The following HS3ST4 variants were observed in gnomAD, a reference collection of about 807,000 sequenced individuals.
HS3ST4 encodes the protein heparan sulfate glucosamine 3-O-sulfotransferase 4.
Under a neutral mutation model 29.2 loss-of-function variants are expected in HS3ST4, and 17 were observed. The ratio of observed to expected loss-of-function variants is 0.58; its 90% CI spans 0.40 to 0.87. The LOEUF is 0.87. Among genes scored for constraint, HS3ST4 ranks in the 40% least tolerant of loss-of-function variants. The pLI, the probability that HS3ST4 is intolerant of heterozygous loss-of-function variation, is 0.00. For synonymous variants in HS3ST4, 314 were observed against 285.7 expected, an observed-to-expected ratio of 1.10 and a Z score of -1.00; for missense variants, 627 against 634.5, an observed-to-expected ratio of 0.99 and a Z score of 0.13.
chr16:26,058,490 A>G (rs1016833653), intron 1 of HS3ST4, among the ~76,000 whole-genome samples: 4 of 152,180 alleles, frequency 2.6e-5, no homozygotes, highest in Non-Finnish European at 4.4e-5. Flanking sequence ...GACATGGCTC[A>G]CAGGCACAGC....
intron 1 of HS3ST4, among the ~76,000 whole-genome samples, chr16:25,897,732 G>C (rs1039957001): frequency 2.0e-5 from 3 of 152,196 alleles, no homozygotes; most frequent in Admixed American, 6.5e-5. Flanking sequence ...CGTTCTGCCT[G>C]GGGGAGGTGC....
rs557557556 is a variant in HS3ST4 at position 25,884,166 on chromosome 16, C to T, written c.734+191015C>T. On this transcript the variant is annotated intron_variant, in intron 1 of 1. Transcript: ENST00000331351. ...AGTTCAGAGCCATGTCTCTAAATCA[C>T]GGAAAAAGAAGTGGAGGGTGCATAG... 5.9e-5 allele frequency among the ~76,000 whole-genome samples: 9 copies of T among 151,342 alleles called. No homozygotes were observed. In the South Asian group the frequency reaches 1.3e-3, roughly 21 times the overall value.
intron 1 of HS3ST4, among the ~76,000 whole-genome samples, chr16:25,915,014 C>T (rs1316898826): frequency 6.6e-6 from 1 of 152,064 alleles, no homozygotes; most frequent in Non-Finnish European, 1.5e-5. Context: ...CTGCGCTGTG[C>T]ATTGAGACAG....
At position 25,692,856 on chromosome 16, in the gene HS3ST4, A is replaced by G. The variant is rs1470937984; in HGVS notation, c.439A>G (p.Ser147Gly). 6 of 1,480,818 alleles carry G rather than the reference A, an allele frequency of 4.1e-6. No individual in the cohort carries two copies. Among genetic ancestry groups the G allele is most frequent in the Admixed American group, 2.3e-5 (1 of 43,674 alleles). The allele number at this position is 1,480,818 out of a possible 1,614,324, so 91.7% of individuals were successfully genotyped here. Residue 147 changes from serine to glycine, a missense_variant, in exon 1 of 2, where the codon AGC becomes GGC. Physicochemically the swap from Ser to Gly is moderately conservative, Grantham distance 56. This residue lies in a region of HS3ST4 where 402 missense variants were observed against 340.8 expected (regional missense o/e 1.18). Coordinates refer to ENST00000331351, the MANE Select transcript of HS3ST4 (RefSeq NM_006040.3). ...CTGGCTCCGGACCCCGCTGGCCCCC[A>G]GCGAGATGATCACGGCTCAGAGCGC... ...DAWLRTPLAP[S>G]EMITAQSALP...
At chr16:25,949,499 A>G (rs1474714869) in intron 1 of HS3ST4, among the ~76,000 whole-genome samples, 1 of 152,124 alleles carries the variant, frequency 6.6e-6, no homozygotes, top group Non-Finnish European at 1.5e-5. Context: ...TCTGTGTGTC[A>G]GAGGAAACCA....
chr16:26,077,991 A>G (rs1393786989), intron 1 of HS3ST4, among the ~76,000 whole-genome samples: 1 of 152,230 alleles, frequency 6.6e-6, no homozygotes, highest in Non-Finnish European at 1.5e-5. Flanking sequence ...ACTTAAGCCC[A>G]GAAAGTTGAG....
intron 1 of HS3ST4, among the ~76,000 whole-genome samples, chr16:25,777,643 C>T (rs1209387206): frequency 2.0e-5 from 3 of 152,172 alleles, no homozygotes; most frequent in Admixed American, 2.0e-4. Flanking sequence ...TGCCAGGCGC[C>T]TGTAGTCCCA....
chr16:25,708,909 T>A (rs1284652005), intron 1 of HS3ST4, among the ~76,000 whole-genome samples: 1 of 152,168 alleles, frequency 6.6e-6, no homozygotes, highest in East Asian at 1.9e-4. Context: ...TGTTAGAACA[T>A]CTTTAAGGAT....
intron 1 of HS3ST4, among the ~76,000 whole-genome samples, chr16:25,992,625 G>A (rs1969124297): frequency 6.6e-6 from 1 of 152,230 alleles, no homozygotes; most frequent in Non-Finnish European, 1.5e-5. Context: ...TATGCTGGGA[G>A]CTCCCAGCAA....
rs764649599 is a variant in HS3ST4, at chr16:26,136,280, AG to A, written c.*33del. ...AGAGGCAGAGGAAGGCTAGTCAATA[AG>A]CTAAGGAGGCTCCTTGCCTGAGTCC... On this transcript the variant is annotated 3_prime_UTR_variant, in exon 2 of 2. Transcript: ENST00000331351. 6.3e-7 allele frequency: 1 copy of A among 1,577,682 alleles called. No homozygotes were observed.
At chr16:26,090,539 C>T (rs1277843788) in intron 1 of HS3ST4, among the ~76,000 whole-genome samples, 1 of 151,786 alleles carries the variant, frequency 6.6e-6, no homozygotes, top group Non-Finnish European at 1.5e-5. Flanking sequence ...TCCTTAAGAA[C>T]TGATGAGACC....
intron 1 of HS3ST4, among the ~76,000 whole-genome samples, chr16:25,892,267 G>A (rs903585359): frequency 5.3e-5 from 8 of 152,214 alleles, no homozygotes; most frequent in Non-Finnish European, 1.2e-4. Flanking sequence ...GCGGCAAGCT[G>A]AAGTGGCCCC....
chr16:26,031,243 C>G (rs1969527880), intron 1 of HS3ST4, among the ~76,000 whole-genome samples: 1 of 152,070 alleles, frequency 6.6e-6, no homozygotes, highest in Non-Finnish European at 1.5e-5. Context: ...AAGCGGAAAC[C>G]CAGGCACAGG....
chr16:25,952,857 T>G (rs1297865526), intron 1 of HS3ST4, among the ~76,000 whole-genome samples: 1 of 152,108 alleles, frequency 6.6e-6, no homozygotes, highest in Non-Finnish European at 1.5e-5. Context: ...TCCTTAAACC[T>G]CCCCACTTCC....
At chr16:25,932,869 G>A (rs1002954920) in intron 1 of HS3ST4, among the ~76,000 whole-genome samples, 3 of 152,198 alleles carry the variant, frequency 2.0e-5, no homozygotes, top group African/African-American at 7.2e-5. Context: ...ACATTTTCCA[G>A]ACAGGGAAGG....
At chr16:26,135,532 T>C (rs898622663) in intron 1 of HS3ST4, 80 bp from the exon 2 acceptor site, 4 of 1,376,912 alleles carry the variant, frequency 2.9e-6, no homozygotes, top group African/African-American at 2.9e-5. Flanking sequence ...AGGTTGTTTA[T>C]ATCACACATT....
chr16:25,961,648 A>T (rs1288359825), intron 1 of HS3ST4, among the ~76,000 whole-genome samples: 2 of 152,128 alleles, frequency 1.3e-5, no homozygotes, highest in Non-Finnish European at 2.9e-5. Flanking sequence ...GGTAACTCCA[A>T]CTCATCCCAG....
chr16:25,723,134 C>T (rs1023669734), intron 1 of HS3ST4, among the ~76,000 whole-genome samples: 1 of 152,178 alleles, frequency 6.6e-6, no homozygotes, highest in Non-Finnish European at 1.5e-5. Context: ...CCCCGGGTCC[C>T]TCCCCCATGA....
At chr16:25,898,100 G>A (rs898677578) in intron 1 of HS3ST4, among the ~76,000 whole-genome samples, 8 of 152,190 alleles carry the variant, frequency 5.3e-5, no homozygotes, top group African/African-American at 1.9e-4. Flanking sequence ...CCCGGCCTCT[G>A]TCCCATGGAG....
Sources: allele counts gnomAD v4.1 joint callset (sites outside exome capture counted in the v4.1 genomes callset), GRCh38; gene constraint gnomAD v4.1.1; regional missense constraint gnomAD v4.1.1; transcripts MANE v1.5; gene names NCBI Gene and HGNC (gene_info 2026-07-23, HGNC 2026-07-21).